The following DLG2 variants were observed in gnomAD, a reference collection of about 807,000 sequenced individuals.
DLG2 encodes the protein discs large MAGUK scaffold protein 2.
DLG2 carries 45 observed loss-of-function variants against 132.5 expected under a neutral mutation model. The observed-to-expected ratio is 0.34, with a 90% confidence interval of 0.27 to 0.44. DLG2 has a LOEUF of 0.44. Among genes scored for constraint, DLG2 ranks in the 20% least tolerant of loss-of-function variants. The probability of loss-of-function intolerance (pLI) is 1.00; values close to 1 mark genes in which losing one functional copy is unlikely to be tolerated. For synonymous variants in DLG2, 424 were observed against 419.6 expected (o/e 1.01, Z -0.13); for missense variants, 1,045 against 1,196.9 (o/e 0.87, Z 1.87).
At chr11:85,609,221 C>G (rs1591279249) in intron 2 of DLG2, among the ~76,000 whole-genome samples, 1 of 152,324 alleles carries the variant, frequency 6.6e-6, no homozygotes, top group South Asian at 2.1e-4. Flanking sequence ...ACTCCCCTGT[C>G]ACCCAACTCA....
chr11:84,540,249 C>G (rs542314270), intron 6 of DLG2, among the ~76,000 whole-genome samples: 1 of 151,728 alleles, frequency 6.6e-6, no homozygotes, highest in East Asian at 1.9e-4. Flanking sequence ...TCAGAGTGAA[C>G]AGGCAACCTA....
At chr11:83,611,613 A>C (rs999677797) in intron 19 of DLG2, among the ~76,000 whole-genome samples, 6 of 152,254 alleles carry the variant, frequency 3.9e-5, no homozygotes, top group East Asian at 1.9e-4. Flanking sequence ...CAATAACAGC[A>C]CATCTTTTTC....
rs184131945 is a variant in DLG2 at position 84,641,239 on chromosome 11, T to C, written c.358-106508A>G. ...TTATTCAAACTCTCTCTGTCTCAGC[T>C]TCACTATATATAAAGTGAAGATAAC... On this transcript the variant is annotated intron_variant, in intron 6 of 27. Coordinates refer to ENST00000376104, the MANE Select transcript of DLG2 (RefSeq NM_001142699.3). Among the ~76,000 whole-genome samples the C allele has an allele frequency of 2.0e-5, 3 of 152,300 alleles. No homozygotes were observed. The East Asian group carries it at 5.8e-4, about 29-fold the overall frequency.
At chr11:85,027,050 G>A (rs2154142796) in intron 6 of DLG2, among the ~76,000 whole-genome samples, 1 of 151,706 alleles carries the variant, frequency 6.6e-6, no homozygotes, top group Non-Finnish European at 1.5e-5. Flanking sequence ...ATTACAGTTT[G>A]TCCACATTAT....
At chr11:84,062,332 A>C (rs2096604465) in intron 10 of DLG2, among the ~76,000 whole-genome samples, 1 of 152,122 alleles carries the variant, frequency 6.6e-6, no homozygotes, top group Non-Finnish European at 1.5e-5. Context: ...AAGGAGAGAG[A>C]CTATGTCCAG....
At chr11:83,485,158 A>AAACT (rs1416505116) in intron 21 of DLG2, among the ~76,000 whole-genome samples, 2 of 152,330 alleles carry the variant, frequency 1.3e-5, no homozygotes, top group African/African-American at 4.8e-5. Context: ...AATTTTAACT[A>AAACT]AACTATTCCA....
At chr11:83,474,183 G>A (rs1161095072) in intron 22 of DLG2, among the ~76,000 whole-genome samples, 14 of 152,172 alleles carry the variant, frequency 9.2e-5, no homozygotes, top group Non-Finnish European at 5.9e-5. Flanking sequence ...CATTGGTCAG[G>A]GGTTTGGTCA....
chr11:83,742,244 G>C (rs1296508817), intron 18 of DLG2, among the ~76,000 whole-genome samples: 6 of 114,596 alleles, frequency 5.2e-5, no homozygotes, highest in African/African-American at 2.3e-4. Context: ...CACACACACA[G>C]ACGTAACTGT....
At chr11:84,859,322 T>C (rs948229360) in intron 6 of DLG2, among the ~76,000 whole-genome samples, 3 of 140,564 alleles carry the variant, frequency 2.1e-5, no homozygotes, top group Non-Finnish European at 4.8e-5. Context: ...TATATGTATA[T>C]CTACATATAT....
At chr11:83,899,443 CT>C (rs1279291484) in intron 15 of DLG2, among the ~76,000 whole-genome samples, 3 of 152,164 alleles carry the variant, frequency 2.0e-5, no homozygotes, top group Non-Finnish European at 4.4e-5. Flanking sequence ...TGGATTAGCT[CT>C]GTGTCCCCAC....
At chr11:84,954,848 C>T (rs1013213469) in intron 6 of DLG2, among the ~76,000 whole-genome samples, 8 of 152,072 alleles carry the variant, frequency 5.3e-5, no homozygotes, top group Non-Finnish European at 8.8e-5. Context: ...CGCTAGGCAC[C>T]GTGCTAAGCC....
intron 26 of DLG2, among the ~76,000 whole-genome samples, chr11:83,463,222 C>T (rs1469829859): frequency 6.6e-6 from 1 of 151,400 alleles, no homozygotes; most frequent in African/African-American, 2.4e-5. Context: ...TCCTATTATA[C>T]CAAGACTTGA....
chr11:83,893,776 A>G (rs1275831798), intron 15 of DLG2, among the ~76,000 whole-genome samples: 2 of 152,210 alleles, frequency 1.3e-5, no homozygotes, highest in African/African-American at 4.8e-5. Flanking sequence ...TTGTTTTCAT[A>G]TTACTACTGC....
intron 6 of DLG2, among the ~76,000 whole-genome samples, chr11:84,539,603 T>C (rs1248261646): frequency 6.6e-6 from 1 of 152,190 alleles, no homozygotes; most frequent in Non-Finnish European, 1.5e-5. Flanking sequence ...GTGAGGAAAG[T>C]CATCGGTAGC....
intron 19 of DLG2, among the ~76,000 whole-genome samples, chr11:83,563,344 T>C (rs537557704): frequency 6.6e-6 from 1 of 152,270 alleles, no homozygotes; most frequent in East Asian, 1.9e-4. Flanking sequence ...ATCATCCCCT[T>C]ACTGAAGTAG....
chr11:84,260,718 T>C (rs184181440), intron 7 of DLG2, among the ~76,000 whole-genome samples: 10 of 152,300 alleles, frequency 6.6e-5, no homozygotes, highest in African/African-American at 1.9e-4. Context: ...CACAGAATGA[T>C]TCTGTGAATT....
chr11:84,138,636 A>C (rs1234242458), intron 9 of DLG2, among the ~76,000 whole-genome samples: 1 of 152,186 alleles, frequency 6.6e-6, no homozygotes, highest in Non-Finnish European at 1.5e-5. Context: ...GGAATAGAGA[A>C]ACATACTACA....
At chr11:84,783,488 T>C (rs1409344642) in intron 6 of DLG2, among the ~76,000 whole-genome samples, 3 of 152,210 alleles carry the variant, frequency 2.0e-5, no homozygotes, top group Non-Finnish European at 4.4e-5. Flanking sequence ...TCAACTTATG[T>C]ACTTGCTCAT....
intron 6 of DLG2, among the ~76,000 whole-genome samples, chr11:84,718,170 C>A (rs1596427820): frequency 1.3e-5 from 2 of 151,868 alleles, no homozygotes; most frequent in East Asian, 1.9e-4. Flanking sequence ...AATAATTGAT[C>A]CCATTATAAA....
Sources: allele counts gnomAD v4.1 joint callset (sites outside exome capture counted in the v4.1 genomes callset), GRCh38; gene constraint gnomAD v4.1.1; transcripts MANE v1.5; gene names NCBI Gene and HGNC (gene_info 2026-07-23, HGNC 2026-07-21).